The following PTPRG variants were observed in gnomAD, a reference collection of about 807,000 sequenced individuals.
PTPRG encodes the protein receptor-type tyrosine-protein phosphatase gamma.
Under a neutral mutation model 165.3 loss-of-function variants are expected in PTPRG, and 102 were observed. That is an observed-to-expected ratio of 0.62 (90% CI 0.53 to 0.73). PTPRG has a LOEUF of 0.73. Ranked by LOEUF, PTPRG falls within the 30% of genes least tolerant of loss-of-function variation. PTPRG has a pLI of 0.00. For synonymous variants in PTPRG, 675 were observed against 669.5 expected, an observed-to-expected ratio of 1.01 and a Z score of -0.13; for missense variants, 1,866 against 1,861.4, an observed-to-expected ratio of 1.00 and a Z score of -0.05.
intron 2 of PTPRG, among the ~76,000 whole-genome samples, chr3:61,920,334 G>A (rs925200629): frequency 6.7e-6 from 1 of 149,062 alleles, no homozygotes. Context: ...ACATGAATGA[G>A]CATCTACTGA....
chr3:61,628,655 A>G (rs1701683029), intron 1 of PTPRG, among the ~76,000 whole-genome samples: 1 of 152,126 alleles, frequency 6.6e-6, no homozygotes, highest in Non-Finnish European at 1.5e-5. Context: ...TAATGATATA[A>G]TGTTGGTGGT....
At chr3:62,101,940 T>C (rs1040389114) in intron 5 of PTPRG, among the ~76,000 whole-genome samples, 35 of 152,378 alleles carry the variant, frequency 2.3e-4, no homozygotes, top group African/African-American at 8.4e-4. Flanking sequence ...TCTCTCCTGA[T>C]GTAAGCCAAA....
At chr3:62,014,918 T>G (rs189490608) in intron 4 of PTPRG, among the ~76,000 whole-genome samples, 2 of 152,346 alleles carry the variant, frequency 1.3e-5, no homozygotes, top group African/African-American at 4.8e-5. Flanking sequence ...CTGCATGACA[T>G]GTCTTCCTCT....
chr3:62,038,231 T>C (rs996472106), intron 4 of PTPRG, among the ~76,000 whole-genome samples: 2 of 152,210 alleles, frequency 1.3e-5, no homozygotes, highest in East Asian at 3.8e-4. Flanking sequence ...TAATTTTTGT[T>C]CTTTTTGTTT....
chr3:61,796,601 G>A (rs1373096498), intron 2 of PTPRG, among the ~76,000 whole-genome samples: 2 of 152,308 alleles, frequency 1.3e-5, no homozygotes, highest in East Asian at 1.9e-4. Flanking sequence ...TGGGGAGGGG[G>A]TTGCCCCTTT....
chr3:61,848,551 G>A (rs1301460886), intron 2 of PTPRG, among the ~76,000 whole-genome samples: 1 of 152,092 alleles, frequency 6.6e-6, no homozygotes, highest in Non-Finnish European at 1.5e-5. Flanking sequence ...ATATCTTATA[G>A]CAACTCATCA....
At chr3:62,023,521 C>A (rs1029732951) in intron 4 of PTPRG, among the ~76,000 whole-genome samples, 1 of 152,086 alleles carries the variant, frequency 6.6e-6, no homozygotes, top group Non-Finnish European at 1.5e-5. Flanking sequence ...TTTCTTATTC[C>A]TATGCACTCC....
chr3:61,994,280 A>G lies in PTPRG; in HGVS notation c.370+4476A>G, dbSNP rs373004575. 1.8e-3 allele frequency among the ~76,000 whole-genome samples: 281 copies of G among 152,328 alleles called. 2 individuals carry two copies. Among genetic ancestry groups the G allele is most frequent in the African/African-American group, 6.6e-3 (276 of 41,584 alleles). On this transcript the variant is annotated intron_variant, in intron 3 of 29. Coordinates refer to ENST00000474889, the MANE Select transcript of PTPRG (RefSeq NM_002841.4). The stretch of plus-strand genomic sequence containing the variant: ...GTATGTTAATAAGACGTGGCCTTCT[A>G]TGAATTTTAACTATTGGGAGGGTTT...
chr3:61,695,922 A>G (rs1429180081), intron 1 of PTPRG, among the ~76,000 whole-genome samples: 1 of 152,226 alleles, frequency 6.6e-6, no homozygotes, highest in East Asian at 1.9e-4. Flanking sequence ...TCCCTAGTTC[A>G]AAAATGTTAG....
At chr3:62,086,768 A>G (rs1701766154) in intron 5 of PTPRG, among the ~76,000 whole-genome samples, 1 of 152,204 alleles carries the variant, frequency 6.6e-6, no homozygotes, top group South Asian at 2.1e-4. Context: ...AGGACTTACC[A>G]TTAAGTGAAG....
intron 1 of PTPRG, among the ~76,000 whole-genome samples, chr3:61,681,301 A>G (rs1409741321): frequency 2.0e-5 from 3 of 152,264 alleles, no homozygotes. Flanking sequence ...CCAACCACAA[A>G]ACTTGCTCAG....
intron 2 of PTPRG, among the ~76,000 whole-genome samples, chr3:61,840,778 G>GTT (rs1421518243): frequency 2.4e-4 from 26 of 106,184 alleles, no homozygotes; most frequent in African/African-American, 1.0e-3. Context: ...TTTTTTGTTT[G>GTT]TTTGTTTTTT....
At chr3:61,780,880 G>A (rs968539029) in intron 2 of PTPRG, among the ~76,000 whole-genome samples, 10 of 152,182 alleles carry the variant, frequency 6.6e-5, no homozygotes, top group Non-Finnish European at 1.0e-4. Flanking sequence ...TTTTGAGGGC[G>A]ATGTACTTGA....
Position 62,281,654 on chromosome 3 carries a change from G to A in PTPRG, c.3857G>A (p.Cys1286Tyr). 6.2e-7 allele frequency: 1 copy of A among 1,607,438 alleles called. No individual in the cohort carries two copies. Among genetic ancestry groups the A allele is most frequent in the Non-Finnish European group, 8.5e-7 (1 of 1,177,118 alleles). ...TVTLISKDRL[C>Y]LSNEEQIIIH... ...ACCCTTATCAGCAAAGACAGACTGT[G>A]CCTCTCTAATGAAGAACAAATTATC... The change falls in exon 27 of 30, where the codon TGC (cysteine) becomes TAC (tyrosine). Residue 1286 changes from cysteine to tyrosine, a missense_variant. Physicochemically the swap from Cys to Tyr is radical, Grantham distance 194. This residue lies in a region of PTPRG where 1,452 missense variants were observed against 1,463.0 expected (regional missense o/e 0.99). Transcript: ENST00000474889.
chr3:62,253,462 G>A (rs1040318802), intron 15 of PTPRG, among the ~76,000 whole-genome samples: 5 of 152,090 alleles, frequency 3.3e-5, no homozygotes, highest in Admixed American at 2.6e-4. Context: ...TTTGCCTCTT[G>A]TTTGAAAATG....
At chr3:62,000,732 A>G (rs1453466386) in intron 3 of PTPRG, among the ~76,000 whole-genome samples, 3 of 150,954 alleles carry the variant, frequency 2.0e-5, no homozygotes, top group African/African-American at 5.0e-5. Context: ...GCTTTAAAGT[A>G]TAACTTTCTC....
intron 1 of PTPRG, among the ~76,000 whole-genome samples, chr3:61,597,258 C>T (rs186853031): frequency 1.2e-4 from 19 of 152,234 alleles, no homozygotes; most frequent in Admixed American, 9.8e-4. Context: ...GACCTTTGGG[C>T]GACAGATTCA....
chr3:62,073,319 A>C (rs1314541621), intron 4 of PTPRG, among the ~76,000 whole-genome samples: 2 of 152,196 alleles, frequency 1.3e-5, no homozygotes, highest in Non-Finnish European at 2.9e-5. Flanking sequence ...ATGCCAAAGT[A>C]TCTCTCTACA....
At chr3:61,798,724 C>A (rs1472763930) in intron 2 of PTPRG, among the ~76,000 whole-genome samples, 1 of 150,156 alleles carries the variant, frequency 6.7e-6, no homozygotes, top group African/African-American at 2.5e-5. Flanking sequence ...TCTGTAGCAT[C>A]TTCCAATAAA....
Sources: allele counts gnomAD v4.1 joint callset (sites outside exome capture counted in the v4.1 genomes callset), GRCh38; gene constraint gnomAD v4.1.1; regional missense constraint gnomAD v4.1.1; transcripts MANE v1.5; gene names NCBI Gene and HGNC (gene_info 2026-07-23, HGNC 2026-07-21).